Variants in ANKRD12 observed in about 807,000 individuals in gnomAD.
ANKRD12 encodes the protein ankyrin repeat domain-containing protein 12.
ANKRD12 carries 85 observed loss-of-function variants against 183.4 expected under a neutral mutation model. The ratio of observed to expected loss-of-function variants is 0.46; its 90% CI spans 0.39 to 0.56. ANKRD12 has a LOEUF of 0.56. ANKRD12 is among the 20% of genes least tolerant of loss of function. ANKRD12 has a pLI of 0.00. For missense variants in ANKRD12, 2,405 were observed against 2,357.1 expected (o/e 1.02, Z -0.42); for synonymous variants, 914 against 800.2 (o/e 1.14, Z -2.40).
intron 8 of ANKRD12, among the ~76,000 whole-genome samples, chr18:9,234,789 G>A (rs2037250882): frequency 6.6e-6 from 1 of 152,182 alleles, no homozygotes; most frequent in Non-Finnish European, 1.5e-5. Flanking sequence ...CTTGTGCAGG[G>A]TCTCCAAATC....
In ANKRD12 at chr18:9,221,869, T is replaced by C; in HGVS notation, c.813T>C (p.Leu271=). The C allele has an allele frequency of 1.2e-6, 2 of 1,613,924 alleles. No homozygotes were observed. Among genetic ancestry groups the C allele is most frequent in the African/African-American group, 2.7e-5 (2 of 75,022 alleles). ...TGTTGCAGATAGTAAAGCTGTTACT[T>C]CGTCACGGTGGAAATCCATTTCAAG... ...SGHRDIVKLL[L]RHGGNPFQAN... The change falls in exon 8 of 13, where the codon CTT becomes CTC. Residue 271 remains leucine (L), a synonymous_variant. Transcript: ENST00000262126.
At chr18:9,198,048 G>A (rs1240653226) in intron 3 of ANKRD12, among the ~76,000 whole-genome samples, 1 of 152,016 alleles carries the variant, frequency 6.6e-6, no homozygotes, top group East Asian at 1.9e-4. Flanking sequence ...TTTTTAAAAA[G>A]TAGAATTCAG....
intron 11 of ANKRD12, 48 bp from the exon 12 acceptor site, chr18:9,279,501 T>G (rs2040009985): frequency 1.8e-6 from 2 of 1,133,888 alleles, no homozygotes; most frequent in Non-Finnish European, 2.6e-6. Flanking sequence ...GGCATATAGA[T>G]TTTAAAGTGA....
At position 9,281,195 on chromosome 18, in the gene ANKRD12, C is replaced by T; in HGVS notation, c.*69C>T. On this transcript the variant is annotated 3_prime_UTR_variant, in exon 13 of 13. Transcript: ENST00000262126. ...CAAGCATTATACTGTGGAATACTGCCTTTTGACAAAAATACTCATGCCTTT... is the reference window on the plus strand; with the variant it reads ...CAAGCATTATACTGTGGAATACTGCTTTTTGACAAAAATACTCATGCCTTT... The T allele has an allele frequency of 2.3e-6, 3 of 1,322,692 alleles. No homozygotes were observed. Among genetic ancestry groups the T allele is most frequent in the Non-Finnish European group, 3.1e-6 (3 of 968,382 alleles). 81.9% of individuals were successfully genotyped at this position (1,322,692 alleles called of 1,614,324 possible).
intron 8 of ANKRD12, among the ~76,000 whole-genome samples, chr18:9,251,867 C>T (rs1205698710): frequency 6.6e-6 from 1 of 152,194 alleles, no homozygotes; most frequent in Admixed American, 6.5e-5. Flanking sequence ...ACCTATTTCT[C>T]ACTTTCCTTC....
rs1257492881 is a variant in ANKRD12 at position 9,230,427 on chromosome 18, C to G, written c.943+8428C>G. 7.9e-5 allele frequency among the ~76,000 whole-genome samples: 12 copies of G among 151,938 alleles called. 1 individual carries two copies. Among genetic ancestry groups the G allele is most frequent in the Admixed American group, 7.2e-4 (11 of 15,266 alleles). On this transcript the variant is annotated intron_variant, in intron 8 of 12. Coordinates refer to ENST00000262126, the MANE Select transcript of ANKRD12 (RefSeq NM_015208.5). ...GAACTGATTTTTCATTCCATAGATCCTTTGCATTTTTTTAAGTCTCTGTAT... is the reference window on the plus strand; with the variant it reads ...GAACTGATTTTTCATTCCATAGATCGTTTGCATTTTTTTAAGTCTCTGTAT...
At chr18:9,246,070 G>A (rs1172580582) in intron 8 of ANKRD12, among the ~76,000 whole-genome samples, 2 of 152,192 alleles carry the variant, frequency 1.3e-5, no homozygotes, top group African/African-American at 4.8e-5. Context: ...ATAGATGAAT[G>A]AGACAATTTA....
chr18:9,164,551 C>T (rs2031826256), intron 1 of ANKRD12, among the ~76,000 whole-genome samples: 2 of 152,100 alleles, frequency 1.3e-5, no homozygotes, highest in South Asian at 2.1e-4. Context: ...CTATAGATTT[C>T]CTTCTTAACA....
At chr18:9,168,821 A>G (rs1158314664) in intron 1 of ANKRD12, among the ~76,000 whole-genome samples, 3 of 151,804 alleles carry the variant, frequency 2.0e-5, no homozygotes, top group Admixed American at 6.6e-5. Flanking sequence ...TAGGGTGTCA[A>G]TTTTAGATCT....
intron 2 of ANKRD12, among the ~76,000 whole-genome samples, chr18:9,192,839 G>A (rs897944370): frequency 4.0e-5 from 6 of 151,206 alleles, no homozygotes; most frequent in East Asian, 3.9e-4. Context: ...GTGCCATTGC[G>A]CCCAGCTAGT....
chr18:9,140,860 C>T (rs1353125410), intron 1 of ANKRD12, among the ~76,000 whole-genome samples: 8 of 152,020 alleles, frequency 5.3e-5, no homozygotes, highest in Non-Finnish European at 1.2e-4. Flanking sequence ...ATTTGCTGAA[C>T]ACTTAGAATA....
intron 9 of ANKRD12, among the ~76,000 whole-genome samples, chr18:9,263,267 G>T (rs2039087622): frequency 1.3e-5 from 2 of 152,124 alleles, no homozygotes; most frequent in South Asian, 4.1e-4. Context: ...GATAGACAAA[G>T]TCATTGGGAT....
At chr18:9,220,049 G>A (rs1167584572) in intron 7 of ANKRD12, among the ~76,000 whole-genome samples, 2 of 152,216 alleles carry the variant, frequency 1.3e-5, no homozygotes, top group Non-Finnish European at 2.9e-5. Context: ...GGTATCATGA[G>A]TAAGTTGTTT....
intron 2 of ANKRD12, among the ~76,000 whole-genome samples, chr18:9,190,914 G>T (rs2034412494): frequency 6.6e-6 from 1 of 152,122 alleles, no homozygotes; most frequent in East Asian, 1.9e-4. Context: ...TATCGTGGTG[G>T]TCTGGAACTG....
intron 3 of ANKRD12, among the ~76,000 whole-genome samples, chr18:9,198,530 T>C (rs2034977004): frequency 6.6e-6 from 1 of 152,092 alleles, no homozygotes; most frequent in Non-Finnish European, 1.5e-5. Flanking sequence ...TAATTTTTTC[T>C]TTGGGCATTT....
chr18:9,230,712 G>A (rs1222125704), intron 8 of ANKRD12, among the ~76,000 whole-genome samples: 3 of 151,434 alleles, frequency 2.0e-5, no homozygotes, highest in Non-Finnish European at 4.4e-5. Context: ...AGGCTTGAGT[G>A]CAGTGGCACG....
intron 8 of ANKRD12, among the ~76,000 whole-genome samples, chr18:9,245,611 A>G (rs2037917359): frequency 6.6e-6 from 1 of 152,256 alleles, no homozygotes; most frequent in Admixed American, 6.5e-5. Context: ...GGTAAAGAAT[A>G]GACAAACACA....
chr18:9,275,392 G>T, intron 10 of ANKRD12, 132 bp from the exon 11 acceptor site: 1 of 633,684 alleles, frequency 1.6e-6, no homozygotes, highest in South Asian at 2.9e-5. Context: ...AGGATTGCTT[G>T]AACCCAGGAG....
In ANKRD12 at chr18:9,204,483, T is replaced by C; in HGVS notation, c.243T>C (p.Asp81=). The change falls in exon 4 of 13, where the codon GAT becomes GAC. Residue 81 remains aspartate (D), a synonymous_variant. Transcript: ENST00000262126. ...NEERDSDTDS[D]PGHTSENWGE... The stretch of plus-strand genomic sequence containing the variant: ...TCTCTTCTCATTCTGTAGATTCAGA[T>C]CCAGGACATACAAGTGAAAATTGGG... 1 of 1,600,676 alleles carries C rather than the reference T, an allele frequency of 6.2e-7. No homozygotes were observed. The highest frequency in any genetic ancestry group is 8.5e-7 in the Non-Finnish European group (1 of 1,170,088).
Sources: allele counts gnomAD v4.1 joint callset (sites outside exome capture counted in the v4.1 genomes callset), GRCh38; gene constraint gnomAD v4.1.1; transcripts MANE v1.5; gene names NCBI Gene and HGNC (gene_info 2026-07-23, HGNC 2026-07-21).